The following DMD variants were observed in gnomAD, a reference collection of about 807,000 sequenced individuals.
The protein encoded by DMD is dystrophin, also known as mutant dystrophin.
In DMD, 63 loss-of-function variants were observed where a neutral mutation model predicts 330.1. That is an observed-to-expected ratio of 0.19 (90% CI 0.16 to 0.24). The LOEUF (loss-of-function observed/expected upper bound fraction) is 0.24. Ranked by LOEUF, DMD falls within the 10% of genes least tolerant of loss-of-function variation. DMD has a pLI of 1.00. For synonymous variants in DMD, 1,223 were observed against 959.8 expected, an observed-to-expected ratio of 1.27 and a Z score of -5.07; for missense variants, 3,344 against 2,684.1, an observed-to-expected ratio of 1.25 and a Z score of -5.43.
At chrX:31,488,376 G>T (rs2068985504) in intron 57 of DMD, among the ~76,000 whole-genome samples, 1 of 112,127 alleles carries the variant, frequency 8.9e-6, no homozygotes, top group African/African-American at 3.2e-5. Flanking sequence ...ATTAATTTGT[G>T]TATGTTCTCA....
intron 7 of DMD, among the ~76,000 whole-genome samples, chrX:32,724,480 G>T (rs547440580): frequency 7.2e-5 from 8 of 111,734 alleles, no homozygotes; most frequent in African/African-American, 2.6e-4. Context: ...TTACCAAGAG[G>T]AGCTGTTAAC....
chrX:31,721,614 TC>T (rs2039285572), intron 52 of DMD, among the ~76,000 whole-genome samples: 1 of 102,305 alleles, frequency 9.8e-6, no homozygotes, highest in Non-Finnish European at 2.0e-5. Context: ...TCTCTCTCTC[TC>T]TCTGTATGTG....
chrX:32,860,938 A>G (rs1362824719), intron 2 of DMD, among the ~76,000 whole-genome samples: 2 of 111,748 alleles, frequency 1.8e-5, no homozygotes, highest in Non-Finnish European at 3.8e-5. Context: ...AGATTTATGC[A>G]GAGGGAATTT....
chrX:31,662,935 G>C (rs1207732450), intron 53 of DMD, among the ~76,000 whole-genome samples: 1 of 111,438 alleles, frequency 9.0e-6, no homozygotes, highest in Non-Finnish European at 1.9e-5. Context: ...GGGATTCATG[G>C]AAAAATTTAA....
Position 32,463,431 on chromosome X carries a change from G to A in DMD, c.3432+8C>T. The A allele has an allele frequency of 8.3e-7, 1 of 1,202,310 alleles. No individual in the cohort carries two copies. The highest frequency in any genetic ancestry group is 1.1e-6 in the Non-Finnish European group (1 of 890,259). ...GAGGCAAGCCACAGTGAAAGAGATT[G>A]TCTATACCTGTTGGCACATGTGATC... On this transcript the variant is annotated splice_region_variant and intron_variant, in intron 25 of 78. Coordinates refer to ENST00000357033, the MANE Select transcript of DMD (RefSeq NM_004006.3).
intron 9 of DMD, among the ~76,000 whole-genome samples, chrX:32,674,615 G>T (rs776368808): frequency 1.8e-5 from 2 of 111,151 alleles, no homozygotes; most frequent in African/African-American, 6.5e-5. Context: ...TTTGCTTCAG[G>T]GAGGTGTTCA....
chrX:32,472,560 A>T (rs963618511), intron 21 of DMD, among the ~76,000 whole-genome samples: 2 of 111,380 alleles, frequency 1.8e-5, no homozygotes, highest in South Asian at 3.8e-4. Context: ...AATTCGTTTT[A>T]TAAGGTCAGG....
chrX:31,835,367 A>G (rs778941847), intron 49 of DMD, among the ~76,000 whole-genome samples: 4 of 112,026 alleles, frequency 3.6e-5, no homozygotes, highest in South Asian at 3.7e-4. Context: ...AATGAAAGTC[A>G]CCATATTAAC....
intron 12 of DMD, among the ~76,000 whole-genome samples, chrX:32,599,703 TA>T (rs1430251612): frequency 8.9e-6 from 1 of 111,847 alleles, no homozygotes; most frequent in African/African-American, 3.2e-5. Context: ...TTTCCTTTAT[TA>T]AAAGCTTCCA....
chrX:31,196,370 A>G (rs1285628751), intron 67 of DMD, among the ~76,000 whole-genome samples: 1 of 111,096 alleles, frequency 9.0e-6, no homozygotes, highest in Admixed American at 9.6e-5. Flanking sequence ...ACTCTTACTA[A>G]TTACTTAGTT....
intron 1 of DMD, among the ~76,000 whole-genome samples, chrX:33,055,883 T>C (rs768023807): frequency 8.1e-5 from 9 of 111,035 alleles, no homozygotes; most frequent in Non-Finnish European, 1.7e-4. Context: ...AGCTCTTTTA[T>C]AGAATCATGG....
At chrX:33,326,300 G>A (rs1880868561) in intron 1 of DMD, among the ~76,000 whole-genome samples, 1 of 110,281 alleles carries the variant, frequency 9.1e-6, no homozygotes, top group Non-Finnish European at 1.9e-5. Context: ...GGCACTAATA[G>A]TTTATGAATA....
At position 31,189,724 on chromosome X, in the gene DMD, T is replaced by C. The variant is rs114255066; in HGVS notation, c.9808-6820A>G. Reference sequence around the variant, plus strand: ...GCTGAATTGAACAGTGGGTGGGAATTCAACTGCAATATGATCGCAAGAAAT... The same window carrying C: ...GCTGAATTGAACAGTGGGTGGGAATCCAACTGCAATATGATCGCAAGAAAT... On this transcript the variant is annotated intron_variant, in intron 67 of 78. Transcript: ENST00000357033. Among the ~76,000 whole-genome samples, 606 of 112,310 alleles carry C rather than the reference T, an allele frequency of 5.4e-3. 1 individual carries two copies. Among genetic ancestry groups the C allele is most frequent in the African/African-American group, 0.019 (586 of 30,947 alleles).
chrX:31,824,337 C>T (rs1359786595), intron 49 of DMD, among the ~76,000 whole-genome samples: 2 of 110,292 alleles, frequency 1.8e-5, no homozygotes, highest in African/African-American at 6.6e-5. Flanking sequence ...GATCTTGGCT[C>T]ACTGCAACCT....
chrX:33,182,859 T>C (rs2050067250), intron 1 of DMD, among the ~76,000 whole-genome samples: 1 of 112,313 alleles, frequency 8.9e-6, no homozygotes, highest in African/African-American at 3.2e-5. Context: ...GATAAAATGA[T>C]TTTATAAAGC....
chrX:32,710,235 T>A (rs2065067177), intron 7 of DMD, among the ~76,000 whole-genome samples: 1 of 110,173 alleles, frequency 9.1e-6, no homozygotes, highest in African/African-American at 3.3e-5. Flanking sequence ...AACCAATAAG[T>A]GACAGTCTGA....
At chrX:32,714,402 T>G (rs1452640407) in intron 7 of DMD, among the ~76,000 whole-genome samples, 1 of 111,885 alleles carries the variant, frequency 8.9e-6, no homozygotes, top group African/African-American at 3.3e-5. Context: ...TAGTTACCAC[T>G]TATAGGAAAA....
intron 60 of DMD, among the ~76,000 whole-genome samples, chrX:31,376,724 G>GACT (rs1195739430): frequency 3.6e-5 from 4 of 112,167 alleles, no homozygotes; most frequent in Non-Finnish European, 7.5e-5. Context: ...GAATAAAAGG[G>GACT]GTAGTGCCAA....
chrX:32,234,058 G>A (rs956423549), intron 43 of DMD, among the ~76,000 whole-genome samples: 47 of 111,567 alleles, frequency 4.2e-4, no homozygotes, highest in African/African-American at 1.5e-3. Flanking sequence ...GCCATGGTAT[G>A]GGTCACAGTA....
Sources: gnomAD v4.1 joint callset for allele counts (sites outside exome capture counted in the v4.1 genomes callset) on GRCh38, gnomAD v4.1.1 for gene constraint, MANE v1.5 for transcripts, NCBI Gene and HGNC (gene_info 2026-07-23, HGNC 2026-07-21) for gene names.